Variants in CDC42EP4 observed in about 807,000 individuals in gnomAD.
CDC42EP4 encodes the protein CDC42 effector protein (Rho GTPase binding) 4.
A neutral mutation model predicts 5.6 loss-of-function variants in CDC42EP4; 6 were observed. That is an observed-to-expected ratio of 1.07 (90% CI 0.59 to 2.12). The LOEUF is 2.12. Among genes scored for constraint, CDC42EP4 ranks in the 30% most tolerant of loss-of-function variants. The pLI, the probability that CDC42EP4 is intolerant of heterozygous loss-of-function variation, is 0.00. For synonymous variants in CDC42EP4, 230 were observed against 224.2 expected (o/e 1.03, Z -0.23); for missense variants, 490 against 508.6 (o/e 0.96, Z 0.35).
chr17:73,290,614 T>C (rs2145310332), intron 1 of CDC42EP4, among the ~76,000 whole-genome samples: 1 of 152,254 alleles, frequency 6.6e-6, no homozygotes, highest in South Asian at 2.1e-4. Flanking sequence ...GAGGCAAAAC[T>C]GCCCCAGTTG....
At chr17:73,295,439 G>A (rs1439259568) in intron 1 of CDC42EP4, among the ~76,000 whole-genome samples, 1 of 152,158 alleles carries the variant, frequency 6.6e-6, no homozygotes, top group Non-Finnish European at 1.5e-5. Flanking sequence ...AAAGAGAAGA[G>A]GGAAGGACCT....
Position 73,285,550 on chromosome 17 carries a change from G to A in CDC42EP4, c.951C>T (p.Ile317=). The A allele has an allele frequency of 6.2e-7, 1 of 1,612,118 alleles. No individual in the cohort carries two copies. Among genetic ancestry groups the A allele is most frequent in the Non-Finnish European group, 8.5e-7 (1 of 1,179,606 alleles). ...SSSLSSCTSG[I]LEERSPAFRG... is the part of the protein sequence containing the mutation. The stretch of plus-strand genomic sequence containing the variant: ...GGAAGGCAGGGCTGCGCTCCTCCAG[G>A]ATGCCTGAGGTGCAGCTGGAGAGGG... The change falls in exon 2 of 2, where the codon ATC becomes ATT. Residue 317 remains isoleucine, a synonymous_variant. Transcript: ENST00000335793. This position sits in a 1 kb window ranked among gnomAD's most constrained non-coding sequence, Gnocchi z 6.8.
At chr17:73,297,996 GAA>G (rs34291199) in intron 1 of CDC42EP4, among the ~76,000 whole-genome samples, 247 of 103,390 alleles carry the variant, frequency 2.4e-3, no homozygotes, top group Middle Eastern at 0.022. Context: ...CAACAACAGC[GAA>G]AAAAAAAAAA....
At chr17:73,300,382 G>C (rs2062212186) in intron 1 of CDC42EP4, among the ~76,000 whole-genome samples, 1 of 152,186 alleles carries the variant, frequency 6.6e-6, no homozygotes, top group Non-Finnish European at 1.5e-5. Context: ...TACTGGGAAG[G>C]GGGGTGAATC....
chr17:73,285,304 G>T lies in CDC42EP4; in HGVS notation c.*126C>A. The T allele has an allele frequency of 1.3e-6, 1 of 765,622 alleles. No individual in the cohort carries two copies. The highest frequency in any genetic ancestry group is 2.1e-6 in the Non-Finnish European group (1 of 473,018). The allele number at this position is 765,622 out of a possible 1,614,324, so 47.4% of individuals were successfully genotyped here. A position where few individuals can be genotyped will look rare whatever the true frequency, so the allele number is the denominator to read the frequency against. ...CAGGCCAGTGTCCCTCATCTACAAG[G>T]TCCAGGGTCCATGGTCTGAATCAAG... On this transcript the variant is annotated 3_prime_UTR_variant, in exon 2 of 2. Coordinates refer to ENST00000335793, the MANE Select transcript of CDC42EP4 (RefSeq NM_012121.5). The surrounding 1 kb of genome is among the most constrained non-coding windows in gnomAD (Gnocchi z 6.8).
intron 1 of CDC42EP4, among the ~76,000 whole-genome samples, chr17:73,298,027 G>T (rs2062197882): frequency 6.7e-6 from 1 of 149,178 alleles, no homozygotes. Flanking sequence ...AGTATCAAAG[G>T]CTTAAAGAAA....
At chr17:73,307,573 A>G (rs375353826) in intron 1 of CDC42EP4, among the ~76,000 whole-genome samples, 163 of 150,168 alleles carry the variant, frequency 1.1e-3, no homozygotes, top group East Asian at 3.5e-3. Flanking sequence ...TCAGCCTCCC[A>G]AGTAGCTGGG....
At chr17:73,308,422 G>T (rs1443625676) in intron 1 of CDC42EP4, among the ~76,000 whole-genome samples, 4 of 152,098 alleles carry the variant, frequency 2.6e-5, no homozygotes, top group Non-Finnish European at 5.9e-5. Flanking sequence ...CCAAGGGACG[G>T]ACTCCTCCCT....
chr17:73,307,454 T>TC (rs1356480631), intron 1 of CDC42EP4: 1 of 150,662 alleles, frequency 6.6e-6, no homozygotes, highest in East Asian at 1.9e-4. Flanking sequence ...TTTCTTTTTT[T>TC]TTTTTTTTTT....
rs375486831 is a variant in CDC42EP4 at position 73,285,993 on chromosome 17, C to T, written c.508G>A (p.Ala170Thr). 59 of 1,613,328 alleles carry T rather than the reference C, an allele frequency of 3.7e-5. No individual in the cohort carries two copies. The East Asian group carries it at 4.2e-4, about 12-fold the overall frequency. Residue 170 changes from alanine (A) to threonine (T), a missense_variant, in exon 2 of 2, where the codon GCG becomes ACG. Physicochemically the swap from Ala to Thr is moderately conservative, Grantham distance 58. Transcript: ENST00000335793. This position sits in a 1 kb window ranked among gnomAD's most constrained non-coding sequence, Gnocchi z 6.8. ...AGGGGGTCAGGGGAATGTGGACCCG[C>T]GGCCCCATTCCGACGGGGCACTGCC... ...EEAVPRRNGA[A>T]GPHSPDPLLD...
intron 1 of CDC42EP4, among the ~76,000 whole-genome samples, chr17:73,304,679 G>T (rs1247758165): frequency 4.0e-5 from 6 of 151,892 alleles, no homozygotes; most frequent in Non-Finnish European, 7.4e-5. Context: ...GGTGCGAGGG[G>T]GACAGTGCAT....
At position 73,305,999 on chromosome 17, in the gene CDC42EP4, G is replaced by A. The variant is rs371172141; in HGVS notation, c.-113+5894C>T. Among the ~76,000 whole-genome samples, 24 of 152,184 alleles carry A rather than the reference G, an allele frequency of 1.6e-4. No individual in the cohort carries two copies. The East Asian group carries it at 2.5e-3, about 16-fold the overall frequency. On this transcript the variant is annotated intron_variant, in intron 1 of 1. Coordinates refer to ENST00000335793, the MANE Select transcript of CDC42EP4 (RefSeq NM_012121.5). ...CAGCAGTCGGGGGCAGGAAACCCTC[G>A]GATCTGGTTTCTTTCCTGATCTGAG...
intron 1 of CDC42EP4, chr17:73,310,763 A>T (rs1372450031): frequency 2.7e-5 from 4 of 150,464 alleles, no homozygotes; most frequent in African/African-American, 9.8e-5. Context: ...ACACACACAC[A>T]CACACACACA....
intron 1 of CDC42EP4, among the ~76,000 whole-genome samples, chr17:73,301,580 G>T (rs991708093): frequency 2.0e-5 from 3 of 152,154 alleles, no homozygotes; most frequent in Non-Finnish European, 4.4e-5. Flanking sequence ...ATTCTTGTGA[G>T]TCTGTCCCCC....
At position 73,288,563 on chromosome 17, in the gene CDC42EP4, G is replaced by C. The variant is rs142813319; in HGVS notation, c.-112-1951C>G. Among the ~76,000 whole-genome samples, 970 of 152,162 alleles carry C rather than the reference G, an allele frequency of 6.4e-3. 4 individuals are homozygous for C. Among genetic ancestry groups the C allele is most frequent in the Non-Finnish European group, 0.011 (765 of 67,986 alleles). On this transcript the variant is annotated intron_variant, in intron 1 of 1. Transcript: ENST00000335793. ...GGGATCAGCGTGAGCCACCGCGCCT[G>C]GTCCATCCAGAGGGTTTTAACAGGT...
intron 1 of CDC42EP4, among the ~76,000 whole-genome samples, chr17:73,302,013 T>C (rs1264765146): frequency 6.6e-6 from 1 of 152,178 alleles, no homozygotes; most frequent in East Asian, 1.9e-4. Flanking sequence ...TTTGTATTTT[T>C]AGTAGAGACA....
intron 1 of CDC42EP4, among the ~76,000 whole-genome samples, chr17:73,303,401 C>T (rs2062229318): frequency 6.6e-6 from 1 of 152,102 alleles, no homozygotes; most frequent in Admixed American, 6.6e-5. Context: ...GTGGCTCACG[C>T]CTGTAATCCC....
chr17:73,285,768 C>G lies in CDC42EP4; in HGVS notation c.733G>C (p.Ala245Pro). The G allele has an allele frequency of 6.3e-7, 1 of 1,597,662 alleles. No homozygotes were observed. Residue 245 changes from alanine (A) to proline (P), a missense_variant, in exon 2 of 2, where the codon GCC becomes CCC. Ala to Pro is a conservative substitution (Grantham distance 27). Coordinates refer to ENST00000335793, the MANE Select transcript of CDC42EP4 (RefSeq NM_012121.5). This position sits in a 1 kb window ranked among gnomAD's most constrained non-coding sequence, Gnocchi z 6.8. ...GEGGYHGDEG[A>P]AGTITQAPPY... is the part of the protein sequence containing the mutation. ...GGAGCCTGGGTGATGGTGCCAGCGG[C>G]GCCCTCATCGCCATGGTAACCACCC...
chr17:73,298,011 A>AAC (rs145180095), intron 1 of CDC42EP4, among the ~76,000 whole-genome samples: 32,306 of 145,994 alleles, frequency 0.22, 4,296 homozygotes, highest in Middle Eastern at 0.31. Flanking sequence ...AAAAAAAAAA[A>AAC]CCCAAAGTAT....
Sources: allele counts gnomAD v4.1 joint callset (sites outside exome capture counted in the v4.1 genomes callset), GRCh38; gene constraint gnomAD v4.1.1; non-coding constraint Gnocchi (gnomAD v3.1); transcripts MANE v1.5; gene names NCBI Gene and HGNC (gene_info 2026-07-23, HGNC 2026-07-21).